Variants in GALNT13 observed in about 807,000 individuals in gnomAD.
GALNT13 encodes UDP-GalNAc:polypeptide N-acetylgalactosaminyltransferase 13.
A neutral mutation model predicts 64.2 loss-of-function variants in GALNT13; 28 were observed. That is an observed-to-expected ratio of 0.44 (90% CI 0.32 to 0.60). The LOEUF is 0.60. GALNT13 is among the 20% of genes least tolerant of loss of function. The pLI is 0.05. For missense variants in GALNT13, 577 were observed against 669.8 expected, an observed-to-expected ratio of 0.86 and a Z score of 1.53; for synonymous variants, 214 against 224.6, an observed-to-expected ratio of 0.95 and a Z score of 0.42.
chr2:154,271,390 A>G (rs1691347193), intron 8 of GALNT13, among the ~76,000 whole-genome samples: 1 of 152,010 alleles, frequency 6.6e-6, no homozygotes, highest in Non-Finnish European at 1.5e-5. Flanking sequence ...GAGCTTTGTT[A>G]GGCAATTTCA....
chr2:154,019,649 C>CAT (rs1697289738), intron 3 of GALNT13, among the ~76,000 whole-genome samples: 1 of 127,672 alleles, frequency 7.8e-6, no homozygotes, highest in African/African-American at 2.8e-5. Context: ...CACACACACA[C>CAT]ACACAAAAGC....
chr2:154,400,790 TTC>T (rs1422356295), intron 10 of GALNT13, among the ~76,000 whole-genome samples: 3 of 152,256 alleles, frequency 2.0e-5, no homozygotes, highest in South Asian at 4.1e-4. Flanking sequence ...CAGCATTAAA[TTC>T]TCTCTTAACT....
At chr2:153,914,230 A>G (rs1289948342) in intron 2 of GALNT13, among the ~76,000 whole-genome samples, 1 of 152,162 alleles carries the variant, frequency 6.6e-6, no homozygotes, top group Non-Finnish European at 1.5e-5. Flanking sequence ...ATCAAAGAGA[A>G]CACTGTCCAT....
At chr2:153,879,914 T>C (rs1686666348) in intron 1 of GALNT13, among the ~76,000 whole-genome samples, 1 of 152,218 alleles carries the variant, frequency 6.6e-6, no homozygotes, top group African/African-American at 2.4e-5. Flanking sequence ...AGTAGTGTCA[T>C]CATTGACTTG....
intron 2 of GALNT13, among the ~76,000 whole-genome samples, chr2:153,938,159 T>C (rs1691081977): frequency 6.6e-6 from 1 of 152,122 alleles, no homozygotes; most frequent in African/African-American, 2.4e-5. Context: ...TCCTTGAATA[T>C]GTGAGGGTAG....
the GALNT13 span, among the ~76,000 whole-genome samples, chr2:153,540,875 T>C: frequency 1.3e-5 from 2 of 152,234 alleles, no homozygotes; most frequent in African/African-American, 4.8e-5. Flanking sequence ...ACTTGCTTTC[T>C]ATTTTACAGG....
the GALNT13 span, among the ~76,000 whole-genome samples, chr2:153,803,575 C>G: frequency 6.6e-6 from 1 of 151,692 alleles, no homozygotes; most frequent in African/African-American, 2.4e-5. Flanking sequence ...GCCTGTAGTC[C>G]CAGCTACTCG....
chr2:154,257,936 T>C (rs1317572852), intron 7 of GALNT13, among the ~76,000 whole-genome samples: 1 of 152,116 alleles, frequency 6.6e-6, no homozygotes, highest in East Asian at 1.9e-4. Flanking sequence ...TAGAAGTACA[T>C]AGAAACTTTA....
chr2:153,250,424 A>G, the GALNT13 span, among the ~76,000 whole-genome samples: 1 of 152,228 alleles, frequency 6.6e-6, no homozygotes, highest in Non-Finnish European at 1.5e-5. Context: ...ATGCTTTTAC[A>G]TTGTTGGTGG....
chr2:153,701,745 A>G, the GALNT13 span, among the ~76,000 whole-genome samples: 1 of 152,288 alleles, frequency 6.6e-6, no homozygotes, highest in African/African-American at 2.4e-5. Context: ...AACATCACTA[A>G]TCATTAGAGA....
At chr2:153,374,978 C>T in the GALNT13 span, among the ~76,000 whole-genome samples, 2 of 152,182 alleles carry the variant, frequency 1.3e-5, no homozygotes, top group African/African-American at 4.8e-5. Flanking sequence ...TCATTCGACA[C>T]TCCTCAAATC....
chr2:153,626,257 A>G, the GALNT13 span, among the ~76,000 whole-genome samples: 2 of 152,142 alleles, frequency 1.3e-5, no homozygotes, highest in Non-Finnish European at 2.9e-5. Flanking sequence ...AGAACCCAAC[A>G]TAAAGAGGAG....
the GALNT13 span, among the ~76,000 whole-genome samples, chr2:153,286,051 G>C: frequency 6.6e-6 from 1 of 152,092 alleles, no homozygotes; most frequent in Non-Finnish European, 1.5e-5. Flanking sequence ...ATAGCAGAAA[G>C]AGATGGTCAG....
chr2:154,006,355 G>A (rs1314594934), intron 3 of GALNT13, among the ~76,000 whole-genome samples: 2 of 152,158 alleles, frequency 1.3e-5, no homozygotes, highest in Non-Finnish European at 2.9e-5. Flanking sequence ...TTTACATTAA[G>A]TGGATGATTA....
At chr2:153,997,462 C>CTTTTTTT (rs1558897621) in intron 3 of GALNT13, among the ~76,000 whole-genome samples, 2 of 151,746 alleles carry the variant, frequency 1.3e-5, no homozygotes, top group African/African-American at 4.8e-5. Flanking sequence ...TTCTTGATTT[C>CTTTTTTT]TTTTTTACAT....
chr2:153,514,399 A>G, the GALNT13 span, among the ~76,000 whole-genome samples: 1 of 152,070 alleles, frequency 6.6e-6, no homozygotes, highest in Non-Finnish European at 1.5e-5. Context: ...GTCATTTTAT[A>G]TTCTTACTCT....
chr2:154,150,050 T>C (rs1375094612), intron 4 of GALNT13, among the ~76,000 whole-genome samples: 1 of 152,188 alleles, frequency 6.6e-6, no homozygotes, highest in Non-Finnish European at 1.5e-5. Flanking sequence ...TTCAGTATGA[T>C]ATTCGCTGTG....
intron 3 of GALNT13, among the ~76,000 whole-genome samples, chr2:154,063,770 G>A (rs536995214): frequency 6.6e-6 from 1 of 152,072 alleles, no homozygotes; most frequent in African/African-American, 2.4e-5. Flanking sequence ...AAAGCAAGAG[G>A]TTTTTTGCAG....
the GALNT13 span, among the ~76,000 whole-genome samples, chr2:153,452,484 AAG>A: frequency 6.6e-6 from 1 of 152,062 alleles, no homozygotes; most frequent in Non-Finnish European, 1.5e-5. Context: ...TCTCAAAAAA[AAG>A]AAAAAGAATA....
Sources: allele counts gnomAD v4.1 joint callset (sites outside exome capture counted in the v4.1 genomes callset), GRCh38; gene constraint gnomAD v4.1.1; transcripts MANE v1.5; gene names NCBI Gene and HGNC (gene_info 2026-07-23, HGNC 2026-07-21).